Variants in PDZRN3 observed in about 807,000 individuals in gnomAD.
The protein encoded by PDZRN3 is PDZ domain containing ring finger 3.
PDZRN3 carries 38 observed loss-of-function variants against 85.7 expected under a neutral mutation model. The ratio of observed to expected loss-of-function variants is 0.44; its 90% CI spans 0.34 to 0.58. The LOEUF is 0.58. Among genes scored for constraint, PDZRN3 ranks in the 20% least tolerant of loss-of-function variants. The pLI is 0.01. For synonymous variants in PDZRN3, 759 were observed against 638.0 expected (o/e 1.19, Z -2.86); for missense variants, 1,629 against 1,506.4 (o/e 1.08, Z -1.35).
At position 73,605,907 on chromosome 3, in the gene PDZRN3, G is replaced by A. The variant is rs776215093; in HGVS notation, c.810+2691C>T. On this transcript the variant is annotated intron_variant, in intron 2 of 9. Coordinates refer to ENST00000263666, the MANE Select transcript of PDZRN3 (RefSeq NM_015009.3). ...CAAGCTACAAAATCAGGTCTGGCTTGTACTTAAAGCACCTTTTGTAAAAAA... is the reference window on the plus strand; with the variant it reads ...CAAGCTACAAAATCAGGTCTGGCTTATACTTAAAGCACCTTTTGTAAAAAA... 1.2e-4 allele frequency among the ~76,000 whole-genome samples: 18 copies of A among 152,208 alleles called. 1 individual carries two copies. The highest frequency in any genetic ancestry group is 2.2e-4 in the Non-Finnish European group (15 of 68,032).
chr3:73,440,751 G>A (rs1380926286), intron 3 of PDZRN3, among the ~76,000 whole-genome samples: 3 of 152,218 alleles, frequency 2.0e-5, no homozygotes, highest in South Asian at 2.1e-4. Flanking sequence ...TGAGTGTCTC[G>A]GGGATGGGAC....
intron 3 of PDZRN3, among the ~76,000 whole-genome samples, chr3:73,501,305 C>T (rs965453894): frequency 5.3e-5 from 8 of 152,208 alleles, no homozygotes; most frequent in African/African-American, 1.9e-4. Flanking sequence ...CCACTGTCAA[C>T]TGGGACACGG....
chr3:73,624,073 T>C (rs752594664), intron 1 of PDZRN3, 30 bp downstream of exon 1: 83 of 1,413,976 alleles, frequency 5.9e-5, no homozygotes, highest in South Asian at 3.0e-4. Context: ...GGATCCTGGC[T>C]GGAGGTCGGG....
intron 3 of PDZRN3, among the ~76,000 whole-genome samples, chr3:73,536,699 C>T (rs1704795823): frequency 1.3e-5 from 2 of 152,202 alleles, no homozygotes; most frequent in South Asian, 4.1e-4. Context: ...ATTCAGCTGT[C>T]CTGGTCCTTA....
chr3:73,430,459 C>G (rs1270454038), intron 3 of PDZRN3, among the ~76,000 whole-genome samples: 1 of 152,196 alleles, frequency 6.6e-6, no homozygotes, highest in Non-Finnish European at 1.5e-5. Context: ...CAAAAAGTCT[C>G]TGGTCGATGT....
At chr3:73,404,560 G>T in intron 3 of PDZRN3, 165 bp from the exon 4 acceptor site, 1 of 650,856 alleles carries the variant, frequency 1.5e-6, no homozygotes, top group Non-Finnish European at 2.6e-6. Flanking sequence ...AAGAATGCCT[G>T]GTGGAAAGAG....
At chr3:73,448,866 G>C (rs1301996611) in intron 3 of PDZRN3, among the ~76,000 whole-genome samples, 1 of 152,144 alleles carries the variant, frequency 6.6e-6, no homozygotes, top group Non-Finnish European at 1.5e-5. Flanking sequence ...CGAAAGTCAG[G>C]ACAGGCACCT....
intron 3 of PDZRN3, among the ~76,000 whole-genome samples, chr3:73,573,182 G>A (rs930183232): frequency 1.3e-5 from 2 of 152,254 alleles, no homozygotes; most frequent in Admixed American, 6.5e-5. Context: ...AACATATTAA[G>A]GTAGGACCCC....
chr3:73,535,638 A>T (rs576157540), intron 3 of PDZRN3, among the ~76,000 whole-genome samples: 4 of 152,376 alleles, frequency 2.6e-5, no homozygotes, highest in African/African-American at 9.6e-5. Context: ...CTGACAGTTC[A>T]CATGGACTGA....
chr3:73,595,797 G>T (rs1702422916), intron 3 of PDZRN3, among the ~76,000 whole-genome samples: 1 of 152,094 alleles, frequency 6.6e-6, no homozygotes, highest in Admixed American at 6.6e-5. Flanking sequence ...ATTGATATAG[G>T]CATAGTTTCC....
At chr3:73,623,130 G>A (rs1321225921) in intron 1 of PDZRN3, among the ~76,000 whole-genome samples, 1 of 152,180 alleles carries the variant, frequency 6.6e-6, no homozygotes, top group Non-Finnish European at 1.5e-5. Context: ...GACCGCTCAG[G>A]TGGAGATGTT....
At chr3:73,518,618 G>A (rs780052596) in intron 3 of PDZRN3, among the ~76,000 whole-genome samples, 19 of 152,024 alleles carry the variant, frequency 1.2e-4, no homozygotes, top group Non-Finnish European at 2.6e-4. Flanking sequence ...TAGTCTGGGT[G>A]GCTTATAAAC....
intron 3 of PDZRN3, among the ~76,000 whole-genome samples, chr3:73,418,408 A>C (rs958907261): frequency 2.0e-5 from 3 of 152,204 alleles, no homozygotes; most frequent in African/African-American, 7.2e-5. Context: ...AAAGTAAACA[A>C]AATAGTATAC....
chr3:73,512,073 G>A (rs116523013), intron 3 of PDZRN3, among the ~76,000 whole-genome samples: 70 of 152,360 alleles, frequency 4.6e-4, no homozygotes, highest in African/African-American at 1.7e-3. Flanking sequence ...AAATGTAACA[G>A]CTCAGCATAC....
At chr3:73,385,056 C>T (rs1701336845) in intron 9 of PDZRN3, 126 bp from the exon 10 acceptor site, 3 of 1,105,810 alleles carry the variant, frequency 2.7e-6, no homozygotes, top group Non-Finnish European at 3.8e-6. Context: ...GGGACAGCAT[C>T]TGACAGTAGG....
rs187764563 is a variant in PDZRN3 at position 73,460,843 on chromosome 3, T to C, written c.919-56448A>G. 3.9e-5 allele frequency among the ~76,000 whole-genome samples: 6 copies of C among 152,246 alleles called. No homozygotes were observed. The East Asian group carries it at 1.2e-3, about 29-fold the overall frequency. On this transcript the variant is annotated intron_variant, in intron 3 of 9. Coordinates refer to ENST00000263666, the MANE Select transcript of PDZRN3 (RefSeq NM_015009.3). ...GAGTCTCGTTCTGTTGCCCAGGCTG[T>C]AGTGCAGTGGCACAATCTCGGCTCA...
At chr3:73,593,598 G>A (rs1234510794) in intron 3 of PDZRN3, among the ~76,000 whole-genome samples, 1 of 152,070 alleles carries the variant, frequency 6.6e-6, no homozygotes, top group African/African-American at 2.4e-5. Flanking sequence ...AGAATGTTAA[G>A]TGACTTTTAA....
chr3:73,392,889 A>G (rs1317579114), intron 5 of PDZRN3, among the ~76,000 whole-genome samples: 1 of 152,174 alleles, frequency 6.6e-6, no homozygotes, highest in Non-Finnish European at 1.5e-5. Context: ...ATACTTTGGA[A>G]TAACCAATTT....
At chr3:73,511,441 G>A (rs1359740390) in intron 3 of PDZRN3, among the ~76,000 whole-genome samples, 2 of 152,164 alleles carry the variant, frequency 1.3e-5, no homozygotes, top group Non-Finnish European at 2.9e-5. Context: ...GGGTTTCCAG[G>A]GGGTGAACGT....
Sources: allele counts gnomAD v4.1 joint callset (sites outside exome capture counted in the v4.1 genomes callset), GRCh38; gene constraint gnomAD v4.1.1; transcripts MANE v1.5; gene names NCBI Gene and HGNC (gene_info 2026-07-23, HGNC 2026-07-21).